The following ST8SIA6 variants were observed in gnomAD, a reference collection of about 807,000 sequenced individuals.
ST8SIA6 encodes the protein alpha-2,8-sialyltransferase 8F.
In ST8SIA6, 39 loss-of-function variants were observed where a neutral mutation model predicts 33.6. That is an observed-to-expected ratio of 1.16 (90% CI 0.90 to 1.52). The LOEUF is 1.52. Among genes scored for constraint, ST8SIA6 ranks in the 40% most tolerant of loss-of-function variants. The pLI is 0.00. For synonymous variants in ST8SIA6, 172 were observed against 167.2 expected, an observed-to-expected ratio of 1.03 and a Z score of -0.22; for missense variants, 441 against 443.8, an observed-to-expected ratio of 0.99 and a Z score of 0.06.
chr10:17,382,491 C>A (rs541353788), intron 3 of ST8SIA6, among the ~76,000 whole-genome samples: 7 of 152,284 alleles, frequency 4.6e-5, no homozygotes, highest in African/African-American at 1.7e-4. Flanking sequence ...GTTTTAAACT[C>A]CTGACCTCAG....
chr10:17,335,078 A>G (rs1047729629), intron 4 of ST8SIA6, among the ~76,000 whole-genome samples: 2 of 152,252 alleles, frequency 1.3e-5, no homozygotes, highest in Non-Finnish European at 2.9e-5. Context: ...ATGGAAATCA[A>G]GCAAAGCTTT....
intron 2 of ST8SIA6, among the ~76,000 whole-genome samples, 189 bp downstream of exon 2, chr10:17,453,370 G>C (rs370818006): frequency 6.6e-6 from 1 of 152,050 alleles, no homozygotes. Flanking sequence ...TCCAGGCTTA[G>C]AGGGTTGAGG....
chr10:17,448,233 CAG>C (rs1396992420), intron 2 of ST8SIA6, among the ~76,000 whole-genome samples: 3 of 152,190 alleles, frequency 2.0e-5, no homozygotes, highest in Non-Finnish European at 4.4e-5. Context: ...TATAGGAAAA[CAG>C]AGACATGAAG....
chr10:17,383,588 T>C (rs2131647036), intron 3 of ST8SIA6, among the ~76,000 whole-genome samples: 1 of 152,356 alleles, frequency 6.6e-6, no homozygotes, highest in Non-Finnish European at 1.5e-5. Flanking sequence ...TTTTCATCCA[T>C]GGACAATTGT....
Position 17,316,825 on chromosome 10 carries a change from T to C in ST8SIA6, c.*4053A>G, listed in dbSNP as rs530962582. Reference sequence around the variant, plus strand: ...GTTTCCTGTCTTTTACTTGTTGATTTACAATTCCTTGGAATGTCTCTCTAT... The same window carrying C: ...GTTTCCTGTCTTTTACTTGTTGATTCACAATTCCTTGGAATGTCTCTCTAT... On this transcript the variant is annotated 3_prime_UTR_variant, in exon 8 of 8. Coordinates refer to ENST00000377602, the MANE Select transcript of ST8SIA6 (RefSeq NM_001004470.3). 6.6e-6 allele frequency among the ~76,000 whole-genome samples: 1 copy of C among 152,254 alleles called. No individual in the cohort carries two copies. Among genetic ancestry groups the C allele is most frequent in the Non-Finnish European group, 1.5e-5 (1 of 68,000 alleles).
chr10:17,419,791 T>C (rs1851723552), intron 2 of ST8SIA6, among the ~76,000 whole-genome samples: 1 of 152,230 alleles, frequency 6.6e-6, no homozygotes, highest in Non-Finnish European at 1.5e-5. Flanking sequence ...GAGGTTCTTG[T>C]ATCCTTTAGC....
intron 2 of ST8SIA6, among the ~76,000 whole-genome samples, chr10:17,426,125 G>A (rs1353026293): frequency 1.3e-5 from 2 of 152,128 alleles, no homozygotes; most frequent in African/African-American, 4.8e-5. Flanking sequence ...ATACTACAAA[G>A]CCAGCCTCCC....
At chr10:17,374,645 C>A (rs954925483) in intron 3 of ST8SIA6, among the ~76,000 whole-genome samples, 2 of 150,066 alleles carry the variant, frequency 1.3e-5, no homozygotes, top group Non-Finnish European at 1.5e-5. Flanking sequence ...AACTAGGAGG[C>A]AGAGGTTGCA....
chr10:17,400,852 C>T (rs1377857267), intron 2 of ST8SIA6, among the ~76,000 whole-genome samples: 1 of 152,156 alleles, frequency 6.6e-6, no homozygotes, highest in Non-Finnish European at 1.5e-5. Flanking sequence ...TGGAAGCATT[C>T]TCTTTGAAAA....
chr10:17,425,852 T>C (rs1409793897), intron 2 of ST8SIA6, among the ~76,000 whole-genome samples: 1 of 152,036 alleles, frequency 6.6e-6, no homozygotes, highest in Non-Finnish European at 1.5e-5. Flanking sequence ...GTATAAGGCC[T>C]AAAATTAAGA....
intron 2 of ST8SIA6, chr10:17,403,711 T>G (rs1405581145): frequency 6.6e-6 from 1 of 152,182 alleles, no homozygotes; most frequent in Admixed American, 6.5e-5. Flanking sequence ...ACGCTAAGTA[T>G]TTTTTAATAT....
intron 4 of ST8SIA6, among the ~76,000 whole-genome samples, chr10:17,358,625 A>C (rs1849274129): frequency 6.7e-6 from 1 of 149,232 alleles, no homozygotes; most frequent in South Asian, 2.2e-4. Context: ...AAGGAAGGAA[A>C]GAAGGAAGGA....
At chr10:17,403,692 A>G (rs1851134519) in intron 2 of ST8SIA6, 1 of 152,160 alleles carries the variant, frequency 6.6e-6, no homozygotes, top group African/African-American at 2.4e-5. Context: ...GAATTTGAAA[A>G]TCTTGGATAC....
intron 3 of ST8SIA6, among the ~76,000 whole-genome samples, chr10:17,379,601 C>A (rs1215020278): frequency 2.6e-5 from 4 of 152,168 alleles, no homozygotes; most frequent in Non-Finnish European, 5.9e-5. Flanking sequence ...AAGAATGCAA[C>A]CGTTTGTCTC....
At chr10:17,324,325 T>C (rs368368886) in intron 6 of ST8SIA6, among the ~76,000 whole-genome samples, 1 of 152,200 alleles carries the variant, frequency 6.6e-6, no homozygotes, top group East Asian at 1.9e-4. Flanking sequence ...ACTTCCCTCA[T>C]TGATATAAAA....
chr10:17,340,567 G>T (rs994285784), intron 4 of ST8SIA6, among the ~76,000 whole-genome samples: 3 of 152,282 alleles, frequency 2.0e-5, no homozygotes, highest in African/African-American at 7.2e-5. Context: ...CCCCTCCCTT[G>T]TTCAGGTGTG....
intron 2 of ST8SIA6, among the ~76,000 whole-genome samples, chr10:17,417,919 G>A (rs562912906): frequency 2.6e-5 from 4 of 152,216 alleles, no homozygotes; most frequent in Non-Finnish European, 5.9e-5. Flanking sequence ...GTGTATGTGA[G>A]GAGGTAGGGG....
At chr10:17,360,907 GAA>G (rs1849361010) in intron 3 of ST8SIA6, among the ~76,000 whole-genome samples, 2 of 149,174 alleles carry the variant, frequency 1.3e-5, no homozygotes, top group Non-Finnish European at 3.0e-5. Context: ...CGAAGAAGAA[GAA>G]GAGGAAGAAG....
At position 17,454,165 on chromosome 10, in the gene ST8SIA6, CG is replaced by C; in HGVS notation, c.90del (p.Gly31AlafsTer21). 3.6e-6 allele frequency: 1 copy of C among 276,952 alleles called. No individual in the cohort carries two copies. Among genetic ancestry groups the C allele is most frequent in the Non-Finnish European group, 6.6e-6 (1 of 150,702 alleles). The allele number at this position is 276,952 out of a possible 1,614,324, so 17.2% of individuals were successfully genotyped here. A position where few individuals can be genotyped will look rare whatever the true frequency, so the allele number is the denominator to read the frequency against. On this transcript the variant is annotated frameshift_variant, in exon 1 of 8. Transcript: ENST00000377602. LOFTEE classifies it high-confidence loss of function. This position sits in a 1 kb window ranked among gnomAD's most constrained non-coding sequence, Gnocchi z 4.1. ...GGGTGGGTGGGTTACCTGGCGCGGC[CG>C]GGCGCGTCTGCCGGGCACCAGAGCA... is the stretch of plus-strand genomic sequence containing the variant. ...LRLLWCPADA[P>X]GRARILVEES...
Sources: gnomAD v4.1 joint callset for allele counts (sites outside exome capture counted in the v4.1 genomes callset) on GRCh38, gnomAD v4.1.1 for gene constraint, Gnocchi (gnomAD v3.1) non-coding constraint, MANE v1.5 for transcripts, NCBI Gene and HGNC (gene_info 2026-07-23, HGNC 2026-07-21) for gene names.